The following NSMCE2 variants were observed in gnomAD, a reference collection of about 807,000 sequenced individuals.
NSMCE2 encodes the protein NSE2 SUMO ligase component of SMC5/6 complex, also known as E3 SUMO-protein ligase NSE2.
In NSMCE2, 24 loss-of-function variants were observed where a neutral mutation model predicts 23.8. The observed-to-expected ratio is 1.01, with a 90% CI of 0.73 to 1.42. The LOEUF (loss-of-function observed/expected upper bound fraction) is 1.42. NSMCE2 is among the 40% of genes most tolerant of loss of function. The pLI is 0.00. For missense variants in NSMCE2, 284 were observed against 296.5 expected, an observed-to-expected ratio of 0.96 and a Z score of 0.31; for synonymous variants, 92 against 94.1, an observed-to-expected ratio of 0.98 and a Z score of 0.13.
At chr8:125,188,638 T>G (rs1823214246) in intron 5 of NSMCE2, among the ~76,000 whole-genome samples, 1 of 152,136 alleles carries the variant, frequency 6.6e-6, no homozygotes, top group African/African-American at 2.4e-5. Context: ...CATAATATAA[T>G]TTTTTTAGTG....
intron 5 of NSMCE2, among the ~76,000 whole-genome samples, chr8:125,245,620 G>T (rs1438698079): frequency 6.6e-6 from 1 of 151,850 alleles, no homozygotes; most frequent in Admixed American, 6.6e-5. Context: ...AAATACTAAG[G>T]ATAGAAAAAT....
chr8:125,200,618 G>A (rs570890917), intron 5 of NSMCE2, among the ~76,000 whole-genome samples: 10 of 152,070 alleles, frequency 6.6e-5, no homozygotes, highest in East Asian at 3.9e-4. Flanking sequence ...TTTTTCCTCC[G>A]TTTCAACCTT....
chr8:125,241,407 C>T (rs1408429487), intron 5 of NSMCE2, among the ~76,000 whole-genome samples: 6 of 152,172 alleles, frequency 3.9e-5, no homozygotes, highest in South Asian at 2.1e-4. Context: ...AGTGGAAGTA[C>T]ATATACTTAA....
At chr8:125,351,848 C>T (rs1383909213) in intron 5 of NSMCE2, among the ~76,000 whole-genome samples, 4 of 151,960 alleles carry the variant, frequency 2.6e-5, no homozygotes, top group African/African-American at 7.3e-5. Flanking sequence ...CCCATCTCTA[C>T]TAAAAATACA....
chr8:125,190,939 C>T (rs1015067756), intron 5 of NSMCE2, among the ~76,000 whole-genome samples: 4 of 152,070 alleles, frequency 2.6e-5, no homozygotes, highest in African/African-American at 9.7e-5. Context: ...GGCATGATCT[C>T]GGCTCACTGC....
At chr8:125,271,895 T>G (rs1168284365) in intron 5 of NSMCE2, among the ~76,000 whole-genome samples, 1 of 152,064 alleles carries the variant, frequency 6.6e-6, no homozygotes, top group East Asian at 1.9e-4. Flanking sequence ...TCTCTGTGAG[T>G]TTATAGGTGG....
Position 125,158,842 on chromosome 8 carries a change from G to A in NSMCE2, c.264+7565G>A, listed in dbSNP as rs76213596. Among the ~76,000 whole-genome samples the A allele has an allele frequency of 2.1e-3, 319 of 152,302 alleles. 2 individuals are homozygous for A. The highest frequency in any genetic ancestry group is 7.5e-3 in the African/African-American group (311 of 41,558). ...GAGAGATGGGGAAATAGACTGAACT[G>A]GGACTGGGGAATGGATCAGTAAATG... On this transcript the variant is annotated intron_variant, in intron 4 of 7. Transcript: ENST00000287437.
intron 5 of NSMCE2, among the ~76,000 whole-genome samples, chr8:125,248,442 G>A (rs1826077034): frequency 6.6e-6 from 1 of 152,186 alleles, no homozygotes; most frequent in Non-Finnish European, 1.5e-5. Flanking sequence ...CAGATCACTT[G>A]AGGTCAGCAA....
chr8:125,340,002 GTTTT>G (rs202059678), intron 5 of NSMCE2, among the ~76,000 whole-genome samples: 1 of 103,662 alleles, frequency 9.6e-6, no homozygotes, highest in Non-Finnish European at 2.0e-5. Flanking sequence ...CGACGTTGTA[GTTTT>G]TTTTTGTTTT....
chr8:125,233,139 T>G (rs1202476393), intron 5 of NSMCE2, among the ~76,000 whole-genome samples: 1 of 152,216 alleles, frequency 6.6e-6, no homozygotes, highest in Non-Finnish European at 1.5e-5. Flanking sequence ...GTAATAGTGC[T>G]AAAACTTTTT....
chr8:125,106,911 G>A (rs1192882113), intron 3 of NSMCE2, among the ~76,000 whole-genome samples: 2 of 151,006 alleles, frequency 1.3e-5, no homozygotes, highest in African/African-American at 2.4e-5. Context: ...CAGGAGAATC[G>A]CTTGAACCCT....
intron 3 of NSMCE2, among the ~76,000 whole-genome samples, chr8:125,133,475 C>T (rs954725098): frequency 2.1e-4 from 32 of 152,098 alleles, no homozygotes; most frequent in African/African-American, 7.5e-4. Flanking sequence ...TGTGGTGGCT[C>T]ATGCCTGCAA....
At chr8:125,160,067 G>A (rs1003963678) in intron 4 of NSMCE2, among the ~76,000 whole-genome samples, 6 of 152,178 alleles carry the variant, frequency 3.9e-5, no homozygotes, top group East Asian at 1.9e-4. Context: ...AAATTTTAAC[G>A]GTGAAATAGT....
chr8:125,232,769 GT>G (rs1313585073), intron 5 of NSMCE2, among the ~76,000 whole-genome samples: 1 of 151,560 alleles, frequency 6.6e-6, no homozygotes, highest in Non-Finnish European at 1.5e-5. Flanking sequence ...TCTTCTTCTT[GT>G]TTTTTTAACC....
At chr8:125,239,932 C>T (rs1298090237) in intron 5 of NSMCE2, among the ~76,000 whole-genome samples, 1 of 151,992 alleles carries the variant, frequency 6.6e-6, no homozygotes, top group Non-Finnish European at 1.5e-5. Context: ...GTAAGTGTGT[C>T]GCCCACTCTG....
chr8:125,334,530 G>A (rs1830001874), intron 5 of NSMCE2, among the ~76,000 whole-genome samples: 1 of 152,264 alleles, frequency 6.6e-6, no homozygotes, highest in South Asian at 2.1e-4. Flanking sequence ...CGTTGAGAGC[G>A]GGATGTGTGA....
At chr8:125,217,366 A>T (rs976702191) in intron 5 of NSMCE2, among the ~76,000 whole-genome samples, 42 of 142,942 alleles carry the variant, frequency 2.9e-4, no homozygotes, top group African/African-American at 1.0e-3. Flanking sequence ...TTTATTTTTT[A>T]TTTATTTATT....
At chr8:125,252,079 G>A (rs1826219050) in intron 5 of NSMCE2, among the ~76,000 whole-genome samples, 2 of 152,188 alleles carry the variant, frequency 1.3e-5, no homozygotes, top group Admixed American at 1.3e-4. Context: ...TTGAATCCTT[G>A]TAATCCTAGC....
intron 4 of NSMCE2, among the ~76,000 whole-genome samples, chr8:125,152,183 T>G (rs1821073028): frequency 6.6e-6 from 1 of 152,232 alleles, no homozygotes; most frequent in Admixed American, 6.5e-5. Flanking sequence ...GAATATCACC[T>G]ATATCCAAAT....
Sources: allele counts gnomAD v4.1 joint callset (sites outside exome capture counted in the v4.1 genomes callset), GRCh38; gene constraint gnomAD v4.1.1; transcripts MANE v1.5; gene names NCBI Gene and HGNC (gene_info 2026-07-23, HGNC 2026-07-21).